COL26A1: variants seen among roughly 807,000 people sequenced by gnomAD.
COL26A1 encodes the protein collagen alpha-1(XXVI) chain.
In COL26A1, 41 loss-of-function variants were observed where a neutral mutation model predicts 59.3. The observed-to-expected ratio is 0.69, with a 90% CI of 0.54 to 0.90. The LOEUF is 0.90. Among genes scored for constraint, COL26A1 ranks in the 40% least tolerant of loss-of-function variants. The probability of loss-of-function intolerance (pLI) is 0.00; values close to 1 mark genes in which losing one functional copy is unlikely to be tolerated. For synonymous variants in COL26A1, 266 were observed against 256.0 expected (o/e 1.04, Z -0.37); for missense variants, 612 against 602.3 (o/e 1.02, Z -0.17).
rs1390927583 is a variant in COL26A1 at position 101,544,044 on chromosome 7, G to T, written c.651G>T (p.Gly217=). ...TGPPGPAGPP[G]SKGDRGQTGE... ...CACCAGGGCCTGCAGGCCCCCCCGGGTCTAAAGGTGACCGAGGCCAGACAG... is the reference window on the plus strand; with the variant it reads ...CACCAGGGCCTGCAGGCCCCCCCGGTTCTAAAGGTGACCGAGGCCAGACAG... Residue 217 remains glycine, a synonymous_variant, in exon 6 of 13, where the codon GGG becomes GGT. Transcript: ENST00000313669. 2 of 1,602,832 alleles carry T rather than the reference G, an allele frequency of 1.2e-6. No individual in the cohort carries two copies. The highest frequency in any genetic ancestry group is 1.7e-6 in the Non-Finnish European group (2 of 1,175,422).
chr7:101,367,587 C>T (rs1791077042), intron 1 of COL26A1, among the ~76,000 whole-genome samples: 2 of 151,484 alleles, frequency 1.3e-5, no homozygotes, highest in Non-Finnish European at 2.9e-5. Flanking sequence ...ATCGCTTAAG[C>T]CCGGGAGGCG....
chr7:101,475,836 C>T (rs1219781341), intron 3 of COL26A1, among the ~76,000 whole-genome samples: 1 of 148,566 alleles, frequency 6.7e-6, no homozygotes, highest in Non-Finnish European at 1.5e-5. Context: ...CTTTCTCTCT[C>T]TCTCTTTCTT....
intron 1 of COL26A1, among the ~76,000 whole-genome samples, chr7:101,404,309 C>T (rs1182761167): frequency 6.6e-6 from 1 of 152,270 alleles, no homozygotes; most frequent in African/African-American, 2.4e-5. Flanking sequence ...CCCAATTTAT[C>T]AGTAGGGTTT....
rs187209467 is a variant in COL26A1, at chr7:101,481,213, T to A, written c.385+33426T>A. Among the ~76,000 whole-genome samples the A allele has an allele frequency of 1.0e-3, 159 of 152,234 alleles. 7 individuals are homozygous for A. In the East Asian group the frequency reaches 0.026, roughly 25 times the overall value. On this transcript the variant is annotated intron_variant, in intron 3 of 12. Coordinates refer to ENST00000313669, the MANE Select transcript of COL26A1 (RefSeq NM_001278563.3). ...TCTTTCATGGAAGGTTGTCATTCCT[T>A]ATTTCATGGGTTATCAGAATGCATG...
intron 1 of COL26A1, among the ~76,000 whole-genome samples, chr7:101,372,162 T>A (rs1791210175): frequency 1.3e-5 from 2 of 152,176 alleles, no homozygotes; most frequent in Admixed American, 1.3e-4. Context: ...GGAATCTTTT[T>A]CTGGGGAGCA....
intron 1 of COL26A1, among the ~76,000 whole-genome samples, chr7:101,407,582 A>G (rs374146503): frequency 1.1e-4 from 16 of 151,766 alleles, no homozygotes; most frequent in Non-Finnish European, 1.8e-4. Flanking sequence ...CTGCATTTCT[A>G]TTGAACCTCA....
intron 3 of COL26A1, among the ~76,000 whole-genome samples, chr7:101,456,170 T>TATATA (rs11433198): frequency 3.1e-4 from 15 of 47,936 alleles, no homozygotes; most frequent in African/African-American, 1.3e-3. Flanking sequence ...ATATATATAT[T>TATATA]TTTTTTTTAA....
At chr7:101,448,126 G>A (rs1235938760) in intron 3 of COL26A1, among the ~76,000 whole-genome samples, 1 of 152,250 alleles carries the variant, frequency 6.6e-6, no homozygotes, top group Non-Finnish European at 1.5e-5. Flanking sequence ...CCCTGGGGCA[G>A]GCAGAGTTGG....
rs992227301 is a variant in COL26A1, at chr7:101,420,041, G to A, written c.223G>A (p.Val75Met). The A allele has an allele frequency of 5.6e-6, 9 of 1,613,066 alleles. No individual in the cohort carries two copies. The highest frequency in any genetic ancestry group is 7.6e-6 in the Non-Finnish European group (9 of 1,179,836). The change falls in exon 2 of 13, where the codon GTG (valine) becomes ATG (methionine). Residue 75 changes from valine (V) to methionine (M), a missense_variant. Val to Met is a conservative substitution (Grantham distance 21). Coordinates refer to ENST00000313669, the MANE Select transcript of COL26A1 (RefSeq NM_001278563.3). ...SCQVQNGSET[V>M]VQRVYQSCRW... ...CCAGGTGCAGAATGGCTCGGAGACG[G>A]TGGTCCAGCGCGTGTACCAGAGCTG...
At chr7:101,401,578 G>A (rs1263974192) in intron 1 of COL26A1, among the ~76,000 whole-genome samples, 4 of 137,572 alleles carry the variant, frequency 2.9e-5, no homozygotes, top group Non-Finnish European at 6.4e-5. Flanking sequence ...AAGAGGAGGA[G>A]GAAAAGGAGG....
At chr7:101,414,562 C>G (rs931183603) in intron 1 of COL26A1, among the ~76,000 whole-genome samples, 2 of 152,050 alleles carry the variant, frequency 1.3e-5, no homozygotes, top group African/African-American at 4.8e-5. Context: ...CTCAGCCTCC[C>G]GAGCAGCTGG....
intron 2 of COL26A1, among the ~76,000 whole-genome samples, chr7:101,431,894 C>T (rs1792788472): frequency 6.6e-6 from 1 of 151,794 alleles, no homozygotes; most frequent in Non-Finnish European, 1.5e-5. Context: ...TGAGCTCAAG[C>T]AATCCTCCTG....
intron 1 of COL26A1, among the ~76,000 whole-genome samples, chr7:101,401,570 G>GAGGAGGAGGAAA (rs1033004682): frequency 2.2e-5 from 3 of 136,458 alleles, no homozygotes; most frequent in Admixed American, 7.1e-5. Context: ...AGAAGAGAAA[G>GAGGAGGAGGAAA]AGGAGGAGGA....
intron 1 of COL26A1, among the ~76,000 whole-genome samples, chr7:101,380,292 ATTTTTT>A (rs34990402): frequency 1.7e-5 from 2 of 115,902 alleles, no homozygotes; most frequent in Non-Finnish European, 3.6e-5. Context: ...ACCCAGCTAC[ATTTTTT>A]TTTTTTTTTT....
intron 3 of COL26A1, among the ~76,000 whole-genome samples, chr7:101,507,089 A>G (rs1794827178): frequency 6.6e-6 from 1 of 151,874 alleles, no homozygotes; most frequent in African/African-American, 2.4e-5. Flanking sequence ...TAATTTTCGT[A>G]TTTTTAGCAG....
rs535291247 is a variant in COL26A1 at position 101,378,116 on chromosome 7, A to AGTTTGGGAG, written c.158+14926_158+14927insGTTTGGGAG. On this transcript the variant is annotated intron_variant, in intron 1 of 12. Transcript: ENST00000313669. ...TTTGGGGGGCTGGGCCTGGTGGCTC[A>AGTTTGGGAG]AACCTGTAATCCCAGCACTTTGGGA... Among the ~76,000 whole-genome samples the AGTTTGGGAG allele has an allele frequency of 3.1e-4, 47 of 152,238 alleles. No individual in the cohort carries two copies. The South Asian group carries it at 9.6e-3, about 31-fold the overall frequency.
intron 5 of COL26A1, among the ~76,000 whole-genome samples, chr7:101,542,159 G>T (rs998867808): frequency 5.9e-5 from 9 of 152,146 alleles, no homozygotes; most frequent in Non-Finnish European, 1.3e-4. Context: ...TACAGAAGGG[G>T]TTTTGTCATG....
At chr7:101,424,216 A>G (rs1792589960) in intron 2 of COL26A1, among the ~76,000 whole-genome samples, 1 of 152,036 alleles carries the variant, frequency 6.6e-6, no homozygotes, top group Non-Finnish European at 1.5e-5. Flanking sequence ...AAATAAATAA[A>G]TACAATAATA....
Position 101,363,010 on chromosome 7 carries a change from G to T in COL26A1, c.-23G>T. ...CCGGTCCTCGTGCCCGGGACTCCGG[G>T]TCCCCGCGGGCTGCTGCGCACGATG... On this transcript the variant is annotated 5_prime_UTR_variant, in exon 1 of 13. Transcript: ENST00000313669. The T allele has an allele frequency of 6.4e-7, 1 of 1,561,944 alleles. No homozygotes were observed. Among genetic ancestry groups the T allele is most frequent in the South Asian group, 1.2e-5 (1 of 86,342 alleles).
Sources: allele counts gnomAD v4.1 joint callset (sites outside exome capture counted in the v4.1 genomes callset), GRCh38; gene constraint gnomAD v4.1.1; transcripts MANE v1.5; gene names NCBI Gene and HGNC (gene_info 2026-07-23, HGNC 2026-07-21).